FRY: variants seen among roughly 807,000 people sequenced by gnomAD.
The protein encoded by FRY is FRY microtubule binding protein.
FRY carries 128 observed loss-of-function variants against 348.4 expected under a neutral mutation model. The observed-to-expected ratio is 0.37, with a 90% CI of 0.32 to 0.43. The LOEUF (loss-of-function observed/expected upper bound fraction) is 0.43, where lower values mean the gene tolerates loss of function less well. Among genes scored for constraint, FRY ranks in the 20% least tolerant of loss-of-function variants. The pLI is 1.00. For missense variants in FRY, 2,736 were observed against 3,695.2 expected (o/e 0.74, Z 6.73); for synonymous variants, 1,370 against 1,374.7 (o/e 1.00, Z 0.08).
intron 53 of FRY, among the ~76,000 whole-genome samples, chr13:32,264,299 G>C (rs1304484996): frequency 6.6e-6 from 1 of 152,050 alleles, no homozygotes; most frequent in Non-Finnish European, 1.5e-5. Context: ...GTATTTACCA[G>C]CAATTCCTCC....
chr13:32,294,174 A>G (rs1021046764), intron 59 of FRY, among the ~76,000 whole-genome samples, 194 bp from the exon 60 acceptor site: 1 of 152,152 alleles, frequency 6.6e-6, no homozygotes, highest in Non-Finnish European at 1.5e-5. Flanking sequence ...TCAGCAGTTG[A>G]CACATACTCA....
intron 16 of FRY, among the ~76,000 whole-genome samples, 193 bp from the exon 17 acceptor site, chr13:32,160,951 A>C (rs1020949556): frequency 6.6e-6 from 1 of 152,198 alleles, no homozygotes; most frequent in African/African-American, 2.4e-5. Context: ...TCTGTCTTAC[A>C]TTTAAATTAC....
At position 32,237,358 on chromosome 13, in the gene FRY, C is replaced by T; in HGVS notation, c.5811-21C>T. The T allele has an allele frequency of 6.2e-7, 1 of 1,612,720 alleles. No individual in the cohort carries two copies. Among genetic ancestry groups the T allele is most frequent in the South Asian group, 1.1e-5 (1 of 90,866 alleles). On this transcript the variant is annotated intron_variant, in intron 43 of 60. Transcript: ENST00000542859. The surrounding 1 kb of genome is among the most constrained non-coding windows in gnomAD (Gnocchi z 6.3). ...TGACACATGTTGGCATCCTATTAAA[C>T]TTATTTATTTTTATACCCAGCTCTT... is the stretch of plus-strand genomic sequence containing the variant.
At chr13:32,126,434 A>G (rs973054300) in intron 7 of FRY, among the ~76,000 whole-genome samples, 21 of 152,224 alleles carry the variant, frequency 1.4e-4, no homozygotes, top group Non-Finnish European at 2.8e-4. Flanking sequence ...AGGAATTTCC[A>G]TTTTAGGTAA....
rs1454933124 is a variant in FRY, at chr13:32,171,060, T to C, written c.1941T>C (p.Ser647=). The C allele has an allele frequency of 6.2e-7, 1 of 1,611,404 alleles. No homozygotes were observed. The highest frequency in any genetic ancestry group is 1.1e-5 in the South Asian group (1 of 91,026). ...DDELRHIAQN[S]LQGLLVDFSD... is the part of the protein sequence containing the mutation. ...AATTGCGACATATTGCACAAAATTC[T>C]CTTCAGGGTTTACTTGTTGACTTCT... is the stretch of plus-strand genomic sequence containing the variant. Residue 647 remains serine (S), a synonymous_variant, in exon 18 of 61, where the codon TCT becomes TCC. Transcript: ENST00000542859.
At chr13:32,220,617 T>C (rs943303745) in intron 36 of FRY, among the ~76,000 whole-genome samples, 2 of 152,208 alleles carry the variant, frequency 1.3e-5, no homozygotes, top group African/African-American at 4.8e-5. Context: ...TGTGGCAATA[T>C]CTGGTAACCC....
chr13:32,154,257 T>C (rs1053929856), intron 14 of FRY, among the ~76,000 whole-genome samples: 2 of 152,208 alleles, frequency 1.3e-5, no homozygotes, highest in Non-Finnish European at 2.9e-5. Flanking sequence ...CGGATTATTT[T>C]TTAAAGTAAT....
At chr13:32,289,397 T>G (rs1420549574) in intron 58 of FRY, among the ~76,000 whole-genome samples, 2 of 152,240 alleles carry the variant, frequency 1.3e-5, no homozygotes, top group Non-Finnish European at 2.9e-5. Context: ...AGTCCCTTTA[T>G]AGGTGCTACT....
In FRY at chr13:32,082,253, G is replaced by A. The variant is rs912184234; in HGVS notation, c.270+3220G>A. Among the ~76,000 whole-genome samples, 19 of 146,358 alleles carry A rather than the reference G, an allele frequency of 1.3e-4. No individual in the cohort carries two copies. The South Asian group carries it at 4.1e-3, about 32-fold the overall frequency. On this transcript the variant is annotated intron_variant, in intron 2 of 60. Transcript: ENST00000542859. ...AAAAAAAAAAACAGGAAATAAAAAT[G>A]TTCCACAAAACAAATTTTAGATTTG...
At chr13:32,195,071 C>G (rs1883593922) in intron 29 of FRY, among the ~76,000 whole-genome samples, 1 of 152,164 alleles carries the variant, frequency 6.6e-6, no homozygotes, top group Admixed American at 6.5e-5. Context: ...ATTCCAATCT[C>G]TTAGAGGTCT....
rs1317928860 is a variant in FRY at position 32,179,286 on chromosome 13, G to A, written c.2871+253G>A. Among the ~76,000 whole-genome samples, 7 of 152,136 alleles carry A rather than the reference G, an allele frequency of 4.6e-5. No homozygotes were observed. In the South Asian group the frequency reaches 8.3e-4, roughly 18 times the overall value. On this transcript the variant is annotated intron_variant, in intron 22 of 60. Coordinates refer to ENST00000542859, the MANE Select transcript of FRY (RefSeq NM_023037.3). ...ACCATAGAGTGACTTGTATTTATTC[G>A]TGCCCTGAGGTTTGGTTTGTGTCCT...
rs1238671545 is a variant in FRY at position 32,179,693 on chromosome 13, G to A, written c.2890G>A (p.Val964Met). 2 of 1,613,876 alleles carry A rather than the reference G, an allele frequency of 1.2e-6. No homozygotes were observed. Among genetic ancestry groups the A allele is most frequent in the African/African-American group, 2.7e-5 (2 of 74,898 alleles). ...ATTTCAGGCCATAGGCACCCCATCG[G>A]TGGGAGTTCTGTTAAAGCAGTTGGT... ...YDNKAIGTPS[V>M]GVLLKQLVPL... Residue 964 changes from valine (V) to methionine (M), a missense_variant, in exon 23 of 61, where the codon GTG becomes ATG. Physicochemically the swap from Val to Met is conservative, Grantham distance 21. This residue lies in a region of FRY where 449 missense variants were observed against 576.9 expected (regional missense o/e 0.78). Coordinates refer to ENST00000542859, the MANE Select transcript of FRY (RefSeq NM_023037.3).
chr13:32,228,108 T>C (rs1234688264), intron 39 of FRY, among the ~76,000 whole-genome samples: 5 of 152,198 alleles, frequency 3.3e-5, no homozygotes, highest in Non-Finnish European at 7.3e-5. Context: ...GCACAGTTAG[T>C]AGATGAACTG....
intron 50 of FRY, among the ~76,000 whole-genome samples, chr13:32,253,301 A>C (rs544545104): frequency 6.6e-6 from 1 of 152,214 alleles, no homozygotes; most frequent in African/African-American, 2.4e-5. Context: ...ATCATATACT[A>C]TTCTTAAACA....
chr13:32,220,301 G>A (rs1566143368), intron 36 of FRY, among the ~76,000 whole-genome samples: 1 of 152,208 alleles, frequency 6.6e-6, no homozygotes, highest in Non-Finnish European at 1.5e-5. Flanking sequence ...CAGACAGGCA[G>A]TTCTCTACCA....
At chr13:32,274,649 A>C (rs1224450699) in intron 55 of FRY, among the ~76,000 whole-genome samples, 193 bp from the exon 56 acceptor site, 1 of 134,880 alleles carries the variant, frequency 7.4e-6, no homozygotes, top group Admixed American at 8.7e-5. Flanking sequence ...GCTTGCAGTG[A>C]GCCGAGATCG....
At chr13:32,263,196 A>G (rs1335475338) in intron 53 of FRY, among the ~76,000 whole-genome samples, 1 of 152,348 alleles carries the variant, frequency 6.6e-6, no homozygotes, top group East Asian at 1.9e-4. Context: ...TATTACCATT[A>G]AGATAGAGTC....
chr13:32,295,857 CAT>C lies in FRY; in HGVS notation c.*398_*399del, dbSNP rs1159094748. On this transcript the variant is annotated 3_prime_UTR_variant, in exon 61 of 61. Transcript: ENST00000542859. ...ACTCAAAAAATTTTATATTCTCAAA[CAT>C]GTATATTCTTTCCCTGTCTTGTTCC... 1 of 195,370 alleles carries C rather than the reference CAT, an allele frequency of 5.1e-6. No homozygotes were observed. The highest frequency in any genetic ancestry group is 1.1e-5 in the Non-Finnish European group (1 of 94,192). The allele number at this position is 195,370 out of a possible 1,614,324, so 12.1% of individuals were successfully genotyped here. A position where few individuals can be genotyped will look rare whatever the true frequency, so the allele number is the denominator to read the frequency against.
chr13:32,150,771 C>A (rs930856919), intron 14 of FRY, among the ~76,000 whole-genome samples: 1 of 152,154 alleles, frequency 6.6e-6, no homozygotes, highest in Non-Finnish European at 1.5e-5. Context: ...AGGAAGGGGG[C>A]CTGGAGGCTG....
Sources: gnomAD v4.1 joint callset for allele counts (sites outside exome capture counted in the v4.1 genomes callset) on GRCh38, gnomAD v4.1.1 for gene constraint, gnomAD v4.1.1 regional missense constraint, Gnocchi (gnomAD v3.1) non-coding constraint, MANE v1.5 for transcripts, NCBI Gene and HGNC (gene_info 2026-07-23, HGNC 2026-07-21) for gene names.